AGBL4: variants seen among roughly 807,000 people sequenced by gnomAD.
AGBL4 encodes AGBL carboxypeptidase 4, also known as cytosolic carboxypeptidase 6.
AGBL4 carries 58 observed loss-of-function variants against 66.4 expected under a neutral mutation model. The ratio of observed to expected loss-of-function variants is 0.87; its 90% CI spans 0.71 to 1.09. The LOEUF is 1.09. Among genes scored for constraint, AGBL4 ranks in the 50% least tolerant of loss-of-function variants. The pLI, the probability that AGBL4 is intolerant of heterozygous loss-of-function variation, is 0.00. For missense variants in AGBL4, 579 were observed against 631.0 expected, an observed-to-expected ratio of 0.92 and a Z score of 0.88; for synonymous variants, 234 against 222.9, an observed-to-expected ratio of 1.05 and a Z score of -0.44.
chr1:49,319,202 C>T (rs917795896), intron 3 of AGBL4, among the ~76,000 whole-genome samples: 2 of 152,112 alleles, frequency 1.3e-5, no homozygotes, highest in Non-Finnish European at 2.9e-5. Context: ...GTTGAAACCA[C>T]GACTAACTTG....
chr1:49,848,945 A>G (rs970310313), intron 2 of AGBL4, among the ~76,000 whole-genome samples: 1 of 152,286 alleles, frequency 6.6e-6, no homozygotes, highest in East Asian at 1.9e-4. Flanking sequence ...GATCTATGTG[A>G]CTTTGTGTAT....
chr1:49,739,213 A>G (rs1481457503), intron 2 of AGBL4, among the ~76,000 whole-genome samples: 1 of 152,172 alleles, frequency 6.6e-6, no homozygotes, highest in Non-Finnish European at 1.5e-5. Context: ...TCCTTAAAGG[A>G]CCTGATGGAG....
chr1:48,870,315 A>G (rs1233456156), intron 5 of AGBL4, among the ~76,000 whole-genome samples: 1 of 151,916 alleles, frequency 6.6e-6, no homozygotes, highest in African/African-American at 2.4e-5. Flanking sequence ...CTTTCTCACT[A>G]GGAGAAAGTA....
At chr1:49,076,982 G>A (rs747208439) in intron 4 of AGBL4, among the ~76,000 whole-genome samples, 12 of 152,074 alleles carry the variant, frequency 7.9e-5, no homozygotes, top group Non-Finnish European at 1.3e-4. Flanking sequence ...ATGTACCCAC[G>A]TTATGCTTAT....
At chr1:48,852,850 AG>A (rs1647063961) in intron 6 of AGBL4, among the ~76,000 whole-genome samples, 1 of 152,174 alleles carries the variant, frequency 6.6e-6, no homozygotes, top group Non-Finnish European at 1.5e-5. Flanking sequence ...AAATGAGAAA[AG>A]ATAAGTGGGT....
intron 5 of AGBL4, among the ~76,000 whole-genome samples, chr1:49,019,818 C>T (rs1008963624): frequency 3.3e-5 from 5 of 152,180 alleles, no homozygotes; most frequent in Non-Finnish European, 5.9e-5. Context: ...TATTGCAAGT[C>T]TCAACTCTGC....
intron 5 of AGBL4, among the ~76,000 whole-genome samples, chr1:48,960,739 G>C (rs1045178788): frequency 3.9e-5 from 6 of 152,206 alleles, no homozygotes; most frequent in African/African-American, 9.6e-5. Context: ...AGAATACTCT[G>C]TCATGAAATA....
Position 48,736,595 on chromosome 1 carries a change from G to A in AGBL4, c.635-73354C>T, listed in dbSNP as rs909085904. ...AAATTAACTCTCTTTAAGGGTAATC[G>A]TAATAGCTATCATCTACTGAATACG... On this transcript the variant is annotated intron_variant, in intron 6 of 13. Coordinates refer to ENST00000371839, the MANE Select transcript of AGBL4 (RefSeq NM_032785.4). This position sits in a 1 kb window ranked among gnomAD's most constrained non-coding sequence, Gnocchi z 4.0. 7 of 712,960 alleles carry A rather than the reference G, an allele frequency of 9.8e-6. No individual in the cohort carries two copies. The highest frequency in any genetic ancestry group is 2.8e-5 in the Admixed American group (1 of 35,922). 44.2% of individuals were successfully genotyped at this position (712,960 alleles called of 1,614,324 possible).
chr1:48,535,661 A>G (rs952340798), intron 12 of AGBL4, among the ~76,000 whole-genome samples: 1 of 152,120 alleles, frequency 6.6e-6, no homozygotes, highest in Non-Finnish European at 1.5e-5. Context: ...CTATTCCCCA[A>G]TACAGAATAC....
chr1:50,015,493 C>T (rs894568107), intron 1 of AGBL4, among the ~76,000 whole-genome samples: 13 of 152,192 alleles, frequency 8.5e-5, no homozygotes, highest in Non-Finnish European at 1.8e-4. Context: ...CTTGCCTCTA[C>T]AAAATATTAA....
intron 3 of AGBL4, among the ~76,000 whole-genome samples, chr1:49,695,929 C>T (rs1395956278): frequency 6.6e-6 from 1 of 151,966 alleles, no homozygotes; most frequent in Non-Finnish European, 1.5e-5. Context: ...GGCTCAGAGT[C>T]CCTAAATTCA....
At chr1:48,713,379 T>C (rs920053599) in intron 6 of AGBL4, among the ~76,000 whole-genome samples, 3 of 152,162 alleles carry the variant, frequency 2.0e-5, no homozygotes, top group African/African-American at 7.2e-5. Flanking sequence ...TCAGGAGGAC[T>C]ATGAAGCAAT....
intron 3 of AGBL4, among the ~76,000 whole-genome samples, chr1:49,416,660 C>T (rs564589501): frequency 1.3e-5 from 2 of 151,916 alleles, no homozygotes; most frequent in South Asian, 2.1e-4. Context: ...TCTCTGAGCT[C>T]GAATTTCTTC....
chr1:48,545,544 A>T (rs1264510138), intron 11 of AGBL4, among the ~76,000 whole-genome samples: 1 of 152,216 alleles, frequency 6.6e-6, no homozygotes, highest in African/African-American at 2.4e-5. Flanking sequence ...TTGTAGAATT[A>T]ATAGATAAAA....
rs564019005 is a variant in AGBL4, at chr1:48,963,383, G to A, written c.594+82201C>T. Among the ~76,000 whole-genome samples the A allele has an allele frequency of 5.3e-5, 8 of 152,158 alleles. No individual in the cohort carries two copies. In the South Asian group the frequency reaches 1.7e-3, roughly 32 times the overall value. The stretch of plus-strand genomic sequence containing the variant: ...ATTCAAACTATAGCACTCCTTGAAT[G>A]CCCATGGAAGCCTATGATCAGCTGA... On this transcript the variant is annotated intron_variant, in intron 5 of 13. Coordinates refer to ENST00000371839, the MANE Select transcript of AGBL4 (RefSeq NM_032785.4).
At chr1:48,774,842 C>T (rs1644999188) in intron 6 of AGBL4, among the ~76,000 whole-genome samples, 1 of 152,184 alleles carries the variant, frequency 6.6e-6, no homozygotes, top group Non-Finnish European at 1.5e-5. Context: ...ATGAAACAAT[C>T]TCCAAGAGAG....
chr1:49,253,506 G>A (rs989448149), intron 3 of AGBL4, among the ~76,000 whole-genome samples: 9 of 151,918 alleles, frequency 5.9e-5, no homozygotes, highest in Middle Eastern at 6.8e-3. Flanking sequence ...GACAAATAAC[G>A]AGTTCTAAAA....
At chr1:50,006,702 T>A (rs1661157983) in intron 1 of AGBL4, among the ~76,000 whole-genome samples, 2 of 152,082 alleles carry the variant, frequency 1.3e-5, no homozygotes, top group Non-Finnish European at 1.5e-5. Flanking sequence ...AAAAAAACTT[T>A]ACCCTAGAAT....
chr1:49,148,136 C>A (rs181771526), intron 4 of AGBL4, among the ~76,000 whole-genome samples: 32 of 152,250 alleles, frequency 2.1e-4, no homozygotes, highest in Non-Finnish European at 4.3e-4. Context: ...CTTTGTAGGA[C>A]TATAGTACAA....
Sources: allele counts gnomAD v4.1 joint callset (sites outside exome capture counted in the v4.1 genomes callset), GRCh38; gene constraint gnomAD v4.1.1; non-coding constraint Gnocchi (gnomAD v3.1); transcripts MANE v1.5; gene names NCBI Gene and HGNC (gene_info 2026-07-23, HGNC 2026-07-21).